Variants in DLGAP1 observed in about 807,000 individuals in gnomAD.
DLGAP1 encodes the protein disks large-associated protein 1.
In DLGAP1, 11 loss-of-function variants were observed where a neutral mutation model predicts 90.8. That is an observed-to-expected ratio of 0.12 (90% CI 0.08 to 0.20). DLGAP1 has a LOEUF of 0.20. Among genes scored for constraint, DLGAP1 ranks in the 10% least tolerant of loss-of-function variants. The pLI, the probability that DLGAP1 is intolerant of heterozygous loss-of-function variation, is 1.00. For synonymous variants in DLGAP1, 558 were observed against 540.7 expected, an observed-to-expected ratio of 1.03 and a Z score of -0.44; for missense variants, 1,050 against 1,333.8, an observed-to-expected ratio of 0.79 and a Z score of 3.31.
At chr18:4,265,988 A>G (rs2145311150) in intron 1 of DLGAP1, among the ~76,000 whole-genome samples, 1 of 152,090 alleles carries the variant, frequency 6.6e-6, no homozygotes, top group South Asian at 2.1e-4. Flanking sequence ...ATGCCCAACT[A>G]TTAATATAAT....
At position 4,405,590 on chromosome 18, in the gene DLGAP1, TAGAC is replaced by T. The variant is rs370103896; in HGVS notation, c.-267+49412_-267+49415del. The stretch of plus-strand genomic sequence containing the variant: ...ACATGTATATGCATAATGATAAAAA[TAGAC>T]AGTGAGAGGGGACACAATACGTCCC... On this transcript the variant is annotated intron_variant, in intron 1 of 12. Coordinates refer to ENST00000315677, the MANE Select transcript of DLGAP1 (RefSeq NM_004746.4). Among the ~76,000 whole-genome samples the T allele has an allele frequency of 4.3e-3, 661 of 152,252 alleles. 4 individuals are homozygous for T. The highest frequency in any genetic ancestry group is 0.015 in the African/African-American group (609 of 41,548).
At chr18:3,886,418 A>G (rs2071315195) in intron 3 of DLGAP1, among the ~76,000 whole-genome samples, 1 of 152,228 alleles carries the variant, frequency 6.6e-6, no homozygotes, top group South Asian at 2.1e-4. Flanking sequence ...TTTTTGTTAC[A>G]AACAATGCAA....
intron 1 of DLGAP1, among the ~76,000 whole-genome samples, chr18:4,303,742 A>C (rs2080183346): frequency 6.6e-6 from 1 of 152,182 alleles, no homozygotes; most frequent in African/African-American, 2.4e-5. Flanking sequence ...GCAAAGAGTA[A>C]TGTTCCCTGA....
At chr18:4,431,706 T>C (rs1240221657) in intron 1 of DLGAP1, among the ~76,000 whole-genome samples, 1 of 152,260 alleles carries the variant, frequency 6.6e-6, no homozygotes, top group Non-Finnish European at 1.5e-5. Flanking sequence ...TGAGTACTTC[T>C]ATTTTCTGTA....
intron 1 of DLGAP1, among the ~76,000 whole-genome samples, chr18:4,331,134 T>C (rs1257711222): frequency 6.6e-6 from 1 of 151,878 alleles, no homozygotes; most frequent in African/African-American, 2.4e-5. Context: ...ATCTACTTCA[T>C]TTGACATTAA....
chr18:3,519,763 G>A (rs2051065200), intron 10 of DLGAP1, among the ~76,000 whole-genome samples: 1 of 152,154 alleles, frequency 6.6e-6, no homozygotes. Flanking sequence ...CCCTCTGGAG[G>A]ATGCAGCAAC....
intron 3 of DLGAP1, among the ~76,000 whole-genome samples, chr18:3,926,703 T>C (rs1402121149): frequency 1.3e-5 from 2 of 152,158 alleles, no homozygotes; most frequent in Non-Finnish European, 2.9e-5. Context: ...TGTATGTATA[T>C]ACGTACATAT....
At chr18:4,300,221 A>G (rs888959245) in intron 1 of DLGAP1, among the ~76,000 whole-genome samples, 4 of 152,170 alleles carry the variant, frequency 2.6e-5, no homozygotes, top group African/African-American at 7.2e-5. Flanking sequence ...ACCTTATTTA[A>G]TGCCATATGA....
At chr18:3,751,312 T>C (rs1212203680) in intron 5 of DLGAP1, among the ~76,000 whole-genome samples, 1 of 152,158 alleles carries the variant, frequency 6.6e-6, no homozygotes, top group Non-Finnish European at 1.5e-5. Flanking sequence ...CTTTTTTCTT[T>C]TTGAGTCAGG....
At chr18:4,113,992 C>T (rs1300442247) in intron 2 of DLGAP1, among the ~76,000 whole-genome samples, 1 of 149,808 alleles carries the variant, frequency 6.7e-6, no homozygotes, top group African/African-American at 2.5e-5. Context: ...TTGCCAGTAC[C>T]ATGCTGTTTT....
At chr18:3,737,356 T>A (rs1260096090) in intron 6 of DLGAP1, among the ~76,000 whole-genome samples, 1 of 151,448 alleles carries the variant, frequency 6.6e-6, no homozygotes, top group Non-Finnish European at 1.5e-5. Flanking sequence ...TTGATGAACA[T>A]TGATGCAAAA....
chr18:4,033,890 C>T (rs1464437257), intron 2 of DLGAP1, among the ~76,000 whole-genome samples: 2 of 151,458 alleles, frequency 1.3e-5, no homozygotes, highest in Non-Finnish European at 2.9e-5. Flanking sequence ...AGGTGCGTGC[C>T]ACCATGCCTG....
intron 1 of DLGAP1, among the ~76,000 whole-genome samples, chr18:4,277,502 T>C (rs766124111): frequency 6.6e-6 from 1 of 152,198 alleles, no homozygotes; most frequent in Non-Finnish European, 1.5e-5. Context: ...GTAAGATATA[T>C]GTCATAGGTT....
chr18:4,016,730 T>C (rs529887149), intron 2 of DLGAP1, among the ~76,000 whole-genome samples: 1 of 152,230 alleles, frequency 6.6e-6, no homozygotes, highest in Non-Finnish European at 1.5e-5. Context: ...AGTGTGATAC[T>C]TCTACCTGCG....
chr18:4,113,238 C>T (rs916635431), intron 2 of DLGAP1, among the ~76,000 whole-genome samples: 5 of 152,112 alleles, frequency 3.3e-5, no homozygotes, highest in African/African-American at 7.2e-5. Context: ...AGTGTCTAAG[C>T]ATTCTCTTTT....
chr18:4,379,185 G>C (rs1309307080), intron 1 of DLGAP1, among the ~76,000 whole-genome samples: 3 of 152,178 alleles, frequency 2.0e-5, no homozygotes, highest in African/African-American at 7.2e-5. Flanking sequence ...TTAGCAGAGA[G>C]AGTCAGGTTG....
chr18:4,038,325 T>A (rs756439928), intron 2 of DLGAP1, among the ~76,000 whole-genome samples: 2 of 152,242 alleles, frequency 1.3e-5, no homozygotes, highest in Non-Finnish European at 2.9e-5. Flanking sequence ...CACATTCATA[T>A]GCATTCAGAT....
At chr18:3,527,749 C>A (rs890586050) in intron 10 of DLGAP1, among the ~76,000 whole-genome samples, 1 of 151,770 alleles carries the variant, frequency 6.6e-6, no homozygotes. Flanking sequence ...TGCCACCAAG[C>A]CTGCCTAATT....
rs538555467 is a variant in DLGAP1 at position 3,635,284 on chromosome 18, C to T, written c.1592-53036G>A. On this transcript the variant is annotated intron_variant, in intron 7 of 12. Transcript: ENST00000315677. ...TAGCTGGGACTACAGGCGCCCGCCA[C>T]CACGCCCGGCTGATTTTTTTGTATT... 5.2e-4 allele frequency among the ~76,000 whole-genome samples: 79 copies of T among 152,178 alleles called. 1 individual carries two copies. The South Asian group carries it at 5.6e-3, about 11-fold the overall frequency.
Sources: gnomAD v4.1 joint callset for allele counts (sites outside exome capture counted in the v4.1 genomes callset) on GRCh38, gnomAD v4.1.1 for gene constraint, MANE v1.5 for transcripts, NCBI Gene and HGNC (gene_info 2026-07-23, HGNC 2026-07-21) for gene names.